SKAP1: variants seen among roughly 807,000 people sequenced by gnomAD.
The protein encoded by SKAP1 is src kinase-associated phosphoprotein 1.
In SKAP1, 44 loss-of-function variants were observed where a neutral mutation model predicts 58.5. The ratio of observed to expected loss-of-function variants is 0.75; its 90% CI spans 0.59 to 0.97. The LOEUF (loss-of-function observed/expected upper bound fraction) is 0.97, where lower values mean the gene tolerates loss of function less well. Among genes scored for constraint, SKAP1 ranks in the 50% least tolerant of loss-of-function variants. SKAP1 has a pLI of 0.00. For synonymous variants in SKAP1, 127 were observed against 149.7 expected (o/e 0.85, Z 1.11); for missense variants, 390 against 435.2 (o/e 0.90, Z 0.92).
At chr17:48,349,137 T>C (rs534389410) in intron 3 of SKAP1, among the ~76,000 whole-genome samples, 12 of 152,330 alleles carry the variant, frequency 7.9e-5, no homozygotes, top group Admixed American at 6.5e-4. Context: ...CTACTGAGGA[T>C]GCATGGGTGA....
At chr17:48,405,453 T>TTTCTTTC (rs1567902272) in intron 1 of SKAP1, among the ~76,000 whole-genome samples, 2 of 69,172 alleles carry the variant, frequency 2.9e-5, no homozygotes, top group South Asian at 3.8e-4. Context: ...TTCTTTCTTT[T>TTTCTTTC]CTTTCTTTCT....
chr17:48,412,525 G>T (rs2067677593), intron 1 of SKAP1, among the ~76,000 whole-genome samples: 1 of 152,148 alleles, frequency 6.6e-6, no homozygotes, highest in Non-Finnish European at 1.5e-5. Context: ...TGTGAAAAAG[G>T]AAAGGAAGCC....
chr17:48,192,312 G>C (rs561424315), intron 4 of SKAP1, among the ~76,000 whole-genome samples: 23 of 151,608 alleles, frequency 1.5e-4, no homozygotes, highest in African/African-American at 5.3e-4. Flanking sequence ...TCTTTTTAAA[G>C]GTCTTGTTAA....
At chr17:48,274,708 A>AT (rs397758369) in intron 4 of SKAP1, among the ~76,000 whole-genome samples, 48 of 150,510 alleles carry the variant, frequency 3.2e-4, no homozygotes, top group South Asian at 1.3e-3. Flanking sequence ...AAAAAAAAAA[A>AT]TTTTTTTTTC....
At position 48,370,198 on chromosome 17, in the gene SKAP1, TAAGAG is replaced by T. The variant is rs573129222; in HGVS notation, c.153-6389_153-6385del. ...GCAAAAAGCATGAACAGACACTTCT[TAAGAG>T]AAGACACACAAGTGGCCAACGAATA... is the stretch of plus-strand genomic sequence containing the variant. On this transcript the variant is annotated intron_variant, in intron 2 of 12. Coordinates refer to ENST00000336915, the MANE Select transcript of SKAP1 (RefSeq NM_003726.4). Among the ~76,000 whole-genome samples the T allele has an allele frequency of 1.4e-3, 206 of 152,308 alleles. 1 individual carries two copies. Among genetic ancestry groups the T allele is most frequent in the Non-Finnish European group, 2.3e-3 (158 of 68,026 alleles).
intron 1 of SKAP1, among the ~76,000 whole-genome samples, chr17:48,415,342 A>AG (rs2144594403): frequency 7.5e-6 from 1 of 132,802 alleles, no homozygotes; most frequent in African/African-American, 3.1e-5. Flanking sequence ...TGGCAAAAAA[A>AG]AATTAAAAAA....
intron 1 of SKAP1, among the ~76,000 whole-genome samples, chr17:48,414,645 T>C (rs775966490): frequency 6.6e-6 from 1 of 152,156 alleles, no homozygotes; most frequent in Non-Finnish European, 1.5e-5. Context: ...AGGTAGCTTA[T>C]AGGTATCTAT....
Position 48,179,513 on chromosome 17 carries a change from A to G in SKAP1, c.826+541T>C, listed in dbSNP as rs1337493907. On this transcript the variant is annotated intron_variant, in intron 9 of 12. Transcript: ENST00000336915. ...TGAGCAGATAAAACATGTTAGGGTTATTTTTAAGAGATGTGATTTGATTCA... is the reference window on the plus strand; with the variant it reads ...TGAGCAGATAAAACATGTTAGGGTTGTTTTTAAGAGATGTGATTTGATTCA... Among the ~76,000 whole-genome samples, 5 of 152,216 alleles carry G rather than the reference A, an allele frequency of 3.3e-5. No homozygotes were observed. The East Asian group carries it at 9.6e-4, about 29-fold the overall frequency.
chr17:48,400,843 G>T (rs990431535), intron 1 of SKAP1, among the ~76,000 whole-genome samples: 9 of 152,138 alleles, frequency 5.9e-5, no homozygotes, highest in South Asian at 2.1e-4. Context: ...CTATGTTCAT[G>T]ATCAGAAGAC....
At chr17:48,230,567 C>A (rs374169589) in intron 4 of SKAP1, among the ~76,000 whole-genome samples, 2 of 151,962 alleles carry the variant, frequency 1.3e-5, no homozygotes, top group East Asian at 3.9e-4. Context: ...CCAGCCTGGG[C>A]AACATGGCAA....
chr17:48,240,303 T>C (rs1468873108), intron 4 of SKAP1, among the ~76,000 whole-genome samples: 2 of 152,074 alleles, frequency 1.3e-5, no homozygotes, highest in African/African-American at 4.8e-5. Context: ...TTGAAATATA[T>C]GATAATAAGA....
chr17:48,368,748 C>T (rs559432699), intron 2 of SKAP1, among the ~76,000 whole-genome samples: 1 of 152,102 alleles, frequency 6.6e-6, no homozygotes, highest in Admixed American at 6.5e-5. Flanking sequence ...AAAAATAAAC[C>T]CATCTTCACT....
chr17:48,220,261 C>T (rs2064986464), intron 4 of SKAP1, among the ~76,000 whole-genome samples: 1 of 152,250 alleles, frequency 6.6e-6, no homozygotes, highest in South Asian at 2.1e-4. Context: ...TTGTTCACAA[C>T]AGCATTATTT....
chr17:48,339,607 C>T (rs766327043), intron 4 of SKAP1, among the ~76,000 whole-genome samples: 8 of 152,152 alleles, frequency 5.3e-5, no homozygotes, highest in Non-Finnish European at 1.2e-4. Context: ...ACTGAACCTA[C>T]ATAGGTTTCT....
intron 4 of SKAP1, among the ~76,000 whole-genome samples, chr17:48,317,438 C>T (rs1338402137): frequency 6.6e-6 from 1 of 151,992 alleles, no homozygotes; most frequent in African/African-American, 2.4e-5. Flanking sequence ...GTAATAGGAA[C>T]AATTTTAAAG....
rs190591861 is a variant in SKAP1 at position 48,207,165 on chromosome 17, G to T, written c.281-17665C>A. On this transcript the variant is annotated intron_variant, in intron 4 of 12. Coordinates refer to ENST00000336915, the MANE Select transcript of SKAP1 (RefSeq NM_003726.4). ...AGAAAAGAAAGAAGAAACCAGTGTA[G>T]AATGAAGAGAAACAATGCTATTAAA... 1.7e-3 allele frequency among the ~76,000 whole-genome samples: 257 copies of T among 152,158 alleles called. 2 individuals are homozygous for T. The highest frequency in any genetic ancestry group is 6.8e-3 in the Middle Eastern group (2 of 294).
chr17:48,242,177 C>G (rs1489921729), intron 4 of SKAP1, among the ~76,000 whole-genome samples: 1 of 152,214 alleles, frequency 6.6e-6, no homozygotes, highest in Non-Finnish European at 1.5e-5. Context: ...ATCTGGCTTC[C>G]AGCAGGGAAA....
chr17:48,194,122 C>T (rs1598414095), intron 4 of SKAP1, among the ~76,000 whole-genome samples: 1 of 152,260 alleles, frequency 6.6e-6, no homozygotes, highest in South Asian at 2.1e-4. Context: ...AACTAAACCT[C>T]TCAGAACAGC....
At chr17:48,210,779 C>G (rs2064862129) in intron 4 of SKAP1, among the ~76,000 whole-genome samples, 1 of 152,208 alleles carries the variant, frequency 6.6e-6, no homozygotes, top group South Asian at 2.1e-4. Flanking sequence ...TTAATCGTTT[C>G]CATGGCTGAG....
Sources: allele counts gnomAD v4.1 joint callset (sites outside exome capture counted in the v4.1 genomes callset), GRCh38; gene constraint gnomAD v4.1.1; transcripts MANE v1.5; gene names NCBI Gene and HGNC (gene_info 2026-07-23, HGNC 2026-07-21).